ATP2C1: variants seen among roughly 807,000 people sequenced by gnomAD.
The protein encoded by ATP2C1 is ATPase secretory pathway Ca2+ transporting 1.
A neutral mutation model predicts 120.5 loss-of-function variants in ATP2C1; 31 were observed. The observed-to-expected ratio is 0.26, with a 90% CI of 0.19 to 0.35. The LOEUF (loss-of-function observed/expected upper bound fraction) is 0.35, where lower values mean the gene tolerates loss of function less well. Among genes scored for constraint, ATP2C1 ranks in the 10% least tolerant of loss-of-function variants. The pLI is 1.00. For missense variants in ATP2C1, 731 were observed against 1,107.5 expected (o/e 0.66, Z 4.83); for synonymous variants, 351 against 358.7 (o/e 0.98, Z 0.24).
chr3:130,979,503 ATATGTT>A (rs2061663598), intron 19 of ATP2C1, 84 bp downstream of exon 19: 2 of 1,369,418 alleles, frequency 1.5e-6, no homozygotes, highest in Non-Finnish European at 2.1e-6. Flanking sequence ...TTAGTTATGA[ATATGTT>A]TATGTAATAT....
upstream of ATP2C1, among the ~76,000 whole-genome samples, chr3:130,890,207 CAAAACAAATCCTGTAGTTTATA>C (rs1402026688): frequency 6.6e-6 from 1 of 152,114 alleles, no homozygotes; most frequent in African/African-American, 2.4e-5. Flanking sequence ...CTTTGTATCT[CAAAACAAATCCTGTAGTTTATA>C]TAATTTGGAA....
intron 4 of ATP2C1, among the ~76,000 whole-genome samples, chr3:130,933,172 G>A (rs1020769157): frequency 6.6e-6 from 1 of 152,118 alleles, no homozygotes; most frequent in African/African-American, 2.4e-5. Flanking sequence ...TGCCCCTTGG[G>A]ATTCCTGTGA....
chr3:130,994,704 T>C (rs1410253245), intron 22 of ATP2C1, among the ~76,000 whole-genome samples: 1 of 152,144 alleles, frequency 6.6e-6, no homozygotes, highest in East Asian at 1.9e-4. Context: ...CTGAGTTTAG[T>C]GATAAATTCC....
intron 18 of ATP2C1, 128 bp downstream of exon 18, chr3:130,975,616 T>G: frequency 8.8e-7 from 1 of 1,136,820 alleles, no homozygotes; most frequent in Non-Finnish European, 1.3e-6. Context: ...TTGCCAGTAT[T>G]GAGGTGTTAA....
Position 130,967,351 on chromosome 3 carries a change from G to T in ATP2C1, c.1240G>T (p.Ala414Ser). 6.2e-7 allele frequency: 1 copy of T among 1,613,744 alleles called. No homozygotes were observed. The highest frequency in any genetic ancestry group is 1.1e-5 in the South Asian group (1 of 91,072). ...IVEAGCVCND[A>S]VIRNNTLMGK... ...TTAGGCGGGCTGTGTGTGCAATGAT[G>T]CTGTAATTAGAAACAATACTCTAAT... Residue 414 changes from alanine (A) to serine (S), a missense_variant, in exon 16 of 28, where the codon GCT becomes TCT. This residue lies in a region of ATP2C1 where 571 missense variants were observed against 845.9 expected (regional missense o/e 0.67). Coordinates refer to ENST00000510168, the MANE Select transcript of ATP2C1 (RefSeq NM_001378687.1).
At chr3:130,946,793 G>A (rs1256830892) in intron 8 of ATP2C1, among the ~76,000 whole-genome samples, 1 of 152,204 alleles carries the variant, frequency 6.6e-6, no homozygotes, top group Non-Finnish European at 1.5e-5. Flanking sequence ...AGCATGTAGT[G>A]ATATTTTAAA....
Position 130,851,033 on chromosome 3 carries a change from A to G in ATP2C1, c.108+105A>G, listed in dbSNP as rs943675814. ...TGTGCTGGTTTACATGTTTATAGGTACAGGTCAGATCCTGCTTGTGGCTGT... is the reference window on the plus strand; with the variant it reads ...TGTGCTGGTTTACATGTTTATAGGTGCAGGTCAGATCCTGCTTGTGGCTGT... On this transcript the variant is annotated intron_variant, in intron 1 of 26. Transcript: ENST00000504381. 15 of 570,564 alleles carry G rather than the reference A, an allele frequency of 2.6e-5. No homozygotes were observed. In the African/African-American group the frequency reaches 2.9e-4, roughly 11 times the overall value. 35.3% of individuals were successfully genotyped at this position (570,564 alleles called of 1,614,324 possible).
chr3:130,994,016 G>A lies in ATP2C1; in HGVS notation c.1975G>A (p.Val659Ile). The A allele has an allele frequency of 5.6e-6, 9 of 1,614,140 alleles. No individual in the cohort carries two copies. The highest frequency in any genetic ancestry group is 1.7e-4 in the Middle Eastern group (1 of 6,060). Residue 659 changes from valine (V) to isoleucine (I), a missense_variant, in exon 22 of 28, where the codon GTT becomes ATT. Coordinates refer to ENST00000510168, the MANE Select transcript of ATP2C1 (RefSeq NM_001378687.1). ...AVALKAADIGVAMGQTGTDVC... is the reference protein window; with the variant it reads ...AVALKAADIGIAMGQTGTDVC... Reference sequence around the variant, plus strand: ...TGCTCTGAAGGCTGCAGACATTGGAGTTGCGATGGGCCAGACTGGTACAGA... The same window carrying A: ...TGCTCTGAAGGCTGCAGACATTGGAATTGCGATGGGCCAGACTGGTACAGA...
chr3:130,932,181 T>A (rs1016527252), intron 4 of ATP2C1, 43 bp downstream of exon 4: 2 of 1,148,464 alleles, frequency 1.7e-6, no homozygotes, highest in Non-Finnish European at 1.3e-6. Flanking sequence ...AATTTATTAA[T>A]ACATGGACTT....
At chr3:130,972,472 CTTT>C (rs76538100) in intron 17 of ATP2C1, among the ~76,000 whole-genome samples, 1 of 142,872 alleles carries the variant, frequency 7.0e-6, no homozygotes. Context: ...TTTCTTCACT[CTTT>C]TTTTTTTTTT....
Position 131,013,866 on chromosome 3 carries a change from T to C in ATP2C1, c.2630-2286T>C, listed in dbSNP as rs1186289280. 1.8e-5 allele frequency: 9 copies of C among 506,546 alleles called. No individual in the cohort carries two copies. The East Asian group carries it at 3.0e-4, about 17-fold the overall frequency. 31.4% of individuals were successfully genotyped at this position (506,546 alleles called of 1,614,324 possible). A position where few individuals can be genotyped will look rare whatever the true frequency, so the allele number is the denominator to read the frequency against. On this transcript the variant is annotated intron_variant, in intron 26 of 26. Transcript: ENST00000328560. ...ACATGGTTTCAAACATATTTAGAAA[T>C]ACAGAAGCTTCTTAAATCAGGTTGT... is the stretch of plus-strand genomic sequence containing the variant.
At position 130,894,699 on chromosome 3, in the gene ATP2C1, T is replaced by C. The variant is rs1207092455; in HGVS notation, c.-71T>C. On this transcript the variant is annotated 5_prime_UTR_variant, in exon 2 of 28. Transcript: ENST00000510168. This position sits in a 1 kb window ranked among gnomAD's most constrained non-coding sequence, Gnocchi z 4.5. Reference sequence around the variant, plus strand: ...TTCCTTGTCCTCCTCCTCTCCTCTCTATTCCCAGTGTGGCCGTGGCTGACA... The same window carrying C: ...TTCCTTGTCCTCCTCCTCTCCTCTCCATTCCCAGTGTGGCCGTGGCTGACA... 3 of 1,613,896 alleles carry C rather than the reference T, an allele frequency of 1.9e-6. No homozygotes were observed. Among genetic ancestry groups the C allele is most frequent in the Non-Finnish European group, 2.5e-6 (3 of 1,179,950 alleles).
At chr3:130,911,488 C>A in intron 2 of ATP2C1, among the ~76,000 whole-genome samples, 2 of 150,240 alleles carry the variant, frequency 1.3e-5, no homozygotes, top group African/African-American at 4.9e-5. Context: ...TTGCCTTCTG[C>A]TAGCTTTTGA....
At chr3:130,857,801 G>C (rs1165073610) in intron 1 of ATP2C1, among the ~76,000 whole-genome samples, 1 of 152,134 alleles carries the variant, frequency 6.6e-6, no homozygotes, top group Non-Finnish European at 1.5e-5. Flanking sequence ...TATATGATGG[G>C]GAGTTTATTA....
At chr3:130,975,110 G>A (rs1191182889) in intron 17 of ATP2C1, among the ~76,000 whole-genome samples, 3 of 152,090 alleles carry the variant, frequency 2.0e-5, no homozygotes, top group Non-Finnish European at 4.4e-5. Flanking sequence ...GTATAGCATT[G>A]CCTTTTATGT....
At chr3:130,889,638 C>CTTTTTTTTTTTTTTTTTTTTTTTTTTTTT (rs1170424148), upstream of ATP2C1, among the ~76,000 whole-genome samples, 1 of 77,650 alleles carries the variant, frequency 1.3e-5, no homozygotes, top group Non-Finnish European at 2.3e-5. Flanking sequence ...ATTCTTTAAA[C>CTTTTTTTTTTTTTTTTTTTTTTTTTTTTT]TTTTTTTTTT....
chr3:131,002,382 T>C lies in ATP2C1; in HGVS notation c.*1032T>C. The C allele has an allele frequency of 2.0e-6, 2 of 985,410 alleles. No individual in the cohort carries two copies. Among genetic ancestry groups the C allele is most frequent in the African/African-American group, 3.5e-5 (2 of 57,360 alleles). The allele number at this position is 985,410 out of a possible 1,614,324, so 61.0% of individuals were successfully genotyped here. On this transcript the variant is annotated 3_prime_UTR_variant, in exon 28 of 28. Transcript: ENST00000510168. ...AACAAATGGTTTATGAACCAGAGTA[T>C]ATGTGGAAGATTCTTTGCTGGTCTT...
At chr3:130,953,795 A>G in intron 8 of ATP2C1, 26 bp from the exon 9 acceptor site, 1 of 1,613,740 alleles carries the variant, frequency 6.2e-7, no homozygotes, top group Non-Finnish European at 8.5e-7. Context: ...CAAAATTTGA[A>G]TCTGGGATTC....
intron 2 of ATP2C1, chr3:130,918,705 C>T (rs1263278739): frequency 4.3e-6 from 2 of 460,012 alleles, no homozygotes; most frequent in Non-Finnish European, 8.3e-6. Flanking sequence ...AAAGCAGCAG[C>T]AGTGGGCCGG....
Sources: allele counts gnomAD v4.1 joint callset (sites outside exome capture counted in the v4.1 genomes callset), GRCh38; gene constraint gnomAD v4.1.1; regional missense constraint gnomAD v4.1.1; non-coding constraint Gnocchi (gnomAD v3.1); transcripts MANE v1.5; gene names NCBI Gene and HGNC (gene_info 2026-07-23, HGNC 2026-07-21).